The following ZNF500 variants were observed in gnomAD, a reference collection of about 807,000 sequenced individuals.
ZNF500 encodes zinc finger protein with KRAB and SCAN domains 18.
In ZNF500, 31 loss-of-function variants were observed where a neutral mutation model predicts 30.1. The ratio of observed to expected loss-of-function variants is 1.03; its 90% CI spans 0.77 to 1.39. The LOEUF (loss-of-function observed/expected upper bound fraction) is 1.39. Among genes scored for constraint, ZNF500 ranks in the 40% most tolerant of loss-of-function variants. The pLI is 0.00. For synonymous variants in ZNF500, 392 were observed against 282.0 expected, an observed-to-expected ratio of 1.39 and a Z score of -3.91; for missense variants, 817 against 657.8, an observed-to-expected ratio of 1.24 and a Z score of -2.65.
intron 4 of ZNF500, 109 bp from the exon 5 acceptor site, chr16:4,760,697 C>A: frequency 2.1e-6 from 2 of 948,872 alleles, no homozygotes; most frequent in Non-Finnish European, 1.6e-6. Flanking sequence ...AGGCTGGCGC[C>A]AAGCCTGGTG....
intron 5 of ZNF500, among the ~76,000 whole-genome samples, chr16:4,753,607 G>T (rs1314992912): frequency 6.6e-6 from 1 of 152,168 alleles, no homozygotes; most frequent in Non-Finnish European, 1.5e-5. Context: ...AGAATCACCG[G>T]GCTGCTAAGT....
intron 2 of ZNF500, chr16:4,763,975 A>G (rs779581203): frequency 2.0e-6 from 2 of 985,364 alleles, no homozygotes; most frequent in African/African-American, 3.5e-5. Flanking sequence ...GCCCTGAAAA[A>G]TGAACTGAAA....
At chr16:4,764,029 A>G (rs985792590) in intron 2 of ZNF500, 3 of 985,332 alleles carry the variant, frequency 3.0e-6, no homozygotes, top group East Asian at 1.1e-4. Context: ...GAGTTCCACA[A>G]CTGAAACTGA....
chr16:4,747,418 T>A, downstream of ZNF500: 1 of 1,613,034 alleles, frequency 6.2e-7, no homozygotes, highest in Non-Finnish European at 8.5e-7. Flanking sequence ...CCGAGCTGCC[T>A]GCCAGCAAGG....
chr16:4,764,177 G>T, intron 2 of ZNF500: 2 of 769,662 alleles, frequency 2.6e-6, no homozygotes, highest in Non-Finnish European at 3.2e-6. Flanking sequence ...CACTGGCCAT[G>T]TGTGACGACT....
At chr16:4,766,395 G>A (rs2082265680) in intron 1 of ZNF500, among the ~76,000 whole-genome samples, 4 of 152,192 alleles carry the variant, frequency 2.6e-5, no homozygotes, top group Admixed American at 2.6e-4. Flanking sequence ...AGGCAGAGGA[G>A]GGCAGATCAC....
chr16:4,756,124 C>G (rs113221570), intron 5 of ZNF500, among the ~76,000 whole-genome samples: 3,093 of 152,266 alleles, frequency 0.02, 115 homozygotes, highest in African/African-American at 0.071. Flanking sequence ...AGGGCCAGGC[C>G]TGATAGCTCA....
chr16:4,766,174 C>A lies in ZNF500; in HGVS notation c.-98-98G>T, dbSNP rs13334271. ...TGCCCTGGTTCCAAGGCCAGCTCAC[C>A]CCACCATGGAAAAGGAAAAGGAAGT... is the stretch of plus-strand genomic sequence containing the variant. On this transcript the variant is annotated intron_variant, in intron 1 of 5. Transcript: ENST00000219478. 8 of 509,308 alleles carry A rather than the reference C, an allele frequency of 1.6e-5. No homozygotes were observed. The East Asian group carries it at 2.6e-4, about 16-fold the overall frequency. The allele number at this position is 509,308 out of a possible 1,614,324, so 31.5% of individuals were successfully genotyped here.
intron 4 of ZNF500, 129 bp downstream of exon 4, chr16:4,762,142 C>A (rs2082208847): frequency 1.8e-6 from 2 of 1,093,462 alleles, no homozygotes; most frequent in Non-Finnish European, 2.7e-6. Context: ...GGAGAAAACT[C>A]CAGGGAAGAG....
At position 4,766,091 on chromosome 16, in the gene ZNF500, T is replaced by C; in HGVS notation, c.-98-15A>G. 2 of 1,317,090 alleles carry C rather than the reference T, an allele frequency of 1.5e-6. No homozygotes were observed. The highest frequency in any genetic ancestry group is 1.0e-6 in the Non-Finnish European group (1 of 993,360). 81.6% of individuals were successfully genotyped at this position (1,317,090 alleles called of 1,614,324 possible). ...TTTTCAGGGCCCTGTGGAGAGACGA[T>C]AAAACCATCTGAAGGGCAGCCCTGG... On this transcript the variant is annotated splice_polypyrimidine_tract_variant and intron_variant, in intron 1 of 5. Transcript: ENST00000219478.
At chr16:4,757,371 G>A (rs2082146255) in intron 5 of ZNF500, among the ~76,000 whole-genome samples, 1 of 152,052 alleles carries the variant, frequency 6.6e-6, no homozygotes, top group African/African-American at 2.4e-5. Flanking sequence ...GGAGTGCAGT[G>A]GTATGATCAC....
rs1265297942 is a variant in ZNF500 at position 4,758,125 on chromosome 16, T to C, written c.760+2367A>G. 6.6e-5 allele frequency among the ~76,000 whole-genome samples: 10 copies of C among 152,192 alleles called. No individual in the cohort carries two copies. In the South Asian group the frequency reaches 1.2e-3, roughly 19 times the overall value. On this transcript the variant is annotated intron_variant, in intron 5 of 5. Transcript: ENST00000219478. ...GTTGGCCAGGCTGGACTCGAACTCC[T>C]GACCTCAGGTGATAAACACTCGCCT...
In ZNF500 at chr16:4,752,595, G is replaced by A; in HGVS notation, c.1224C>T (p.Pro408=). The A allele has an allele frequency of 6.3e-7, 1 of 1,593,204 alleles. No homozygotes were observed. Among genetic ancestry groups the A allele is most frequent in the Non-Finnish European group, 8.5e-7 (1 of 1,170,466 alleles). The change falls in exon 6 of 6, where the codon CCC becomes CCT. Residue 408 remains proline, a synonymous_variant. Transcript: ENST00000219478. ...GCTTCCCGCACTGGGTGCAGGCATA[G>A]GGCCGCTCCCCGCTGTGTGTCCTGC... The part of the protein sequence containing the change: ...IHRRTHSGER[P]YACTQCGKRF...
In ZNF500 at chr16:4,766,073, G is replaced by A; in HGVS notation, c.-95C>T. On this transcript the variant is annotated 5_prime_UTR_variant, in exon 2 of 6. Coordinates refer to ENST00000219478, the MANE Select transcript of ZNF500 (RefSeq NM_021646.4). Reference sequence around the variant, plus strand: ...GACACAGGAAGAGAGTTTTTTTCAGGGCCCTGTGGAGAGACGATAAAACCA... The same window carrying A: ...GACACAGGAAGAGAGTTTTTTTCAGAGCCCTGTGGAGAGACGATAAAACCA... 2.1e-6 allele frequency: 3 copies of A among 1,427,946 alleles called. No homozygotes were observed. The highest frequency in any genetic ancestry group is 2.8e-6 in the Non-Finnish European group (3 of 1,077,776). 88.5% of individuals were successfully genotyped at this position (1,427,946 alleles called of 1,614,324 possible).
rs773741284 is a variant in ZNF500, at chr16:4,766,027, C to T, written c.-49G>A. 3 of 1,508,012 alleles carry T rather than the reference C, an allele frequency of 2.0e-6. No individual in the cohort carries two copies. Among genetic ancestry groups the T allele is most frequent in the South Asian group, 2.7e-5 (2 of 75,218 alleles). The allele number at this position is 1,508,012 out of a possible 1,614,324, so 93.4% of individuals were successfully genotyped here. A position where few individuals can be genotyped will look rare whatever the true frequency, so the allele number is the denominator to read the frequency against. On this transcript the variant is annotated 5_prime_UTR_variant, in exon 2 of 6. Transcript: ENST00000219478. ...TTTCAGGCCTTAGAGTTGAACCTGTCTCTCTCTATACCTCTGGCCAGACAC... is the reference window on the plus strand; with the variant it reads ...TTTCAGGCCTTAGAGTTGAACCTGTTTCTCTCTATACCTCTGGCCAGACAC...
Position 4,751,552 on chromosome 16 carries a change from T to C in ZNF500, c.*824A>G. 1 of 1,530,142 alleles carries C rather than the reference T, an allele frequency of 6.5e-7. No individual in the cohort carries two copies. Among genetic ancestry groups the C allele is most frequent in the African/African-American group, 1.4e-5 (1 of 72,762 alleles). 94.8% of individuals were successfully genotyped at this position (1,530,142 alleles called of 1,614,324 possible). ...GCTCCATTTGGAAACTCTGGCAGGATGAAGAAGCTGGAGACCACGTCCTGG... is the reference window on the plus strand; with the variant it reads ...GCTCCATTTGGAAACTCTGGCAGGACGAAGAAGCTGGAGACCACGTCCTGG... On this transcript the variant is annotated 3_prime_UTR_variant, in exon 6 of 6. Coordinates refer to ENST00000219478, the MANE Select transcript of ZNF500 (RefSeq NM_021646.4).
rs1178539076 is a variant in ZNF500, at chr16:4,752,691, T to C, written c.1128A>G (p.Thr376=). 4 of 1,614,006 alleles carry C rather than the reference T, an allele frequency of 2.5e-6. No individual in the cohort carries two copies. The highest frequency in any genetic ancestry group is 2.5e-6 in the Non-Finnish European group (3 of 1,180,030). The change falls in exon 6 of 6, where the codon ACA becomes ACG. Residue 376 remains threonine (T), a synonymous_variant. Coordinates refer to ENST00000219478, the MANE Select transcript of ZNF500 (RefSeq NM_021646.4). ...SNFSTHQRVH[T]GEKPYPCPEC... ...CGGGGCACGGGTAGGGCTTCTCGCC[T>C]GTGTGCACCCTCTGGTGCGTGCTGA...
At chr16:4,747,397 G>T, downstream of ZNF500, 1 of 1,612,188 alleles carries the variant, frequency 6.2e-7, no homozygotes, top group Non-Finnish European at 8.5e-7. Flanking sequence ...TTCAGAAGGG[G>T]ACAGCCCAGC....
Position 4,750,714 on chromosome 16 carries a change from G to C in ZNF500, c.*1662C>G, listed in dbSNP as rs944175611. The C allele has an allele frequency of 6.6e-6, 1 of 150,740 alleles. No individual in the cohort carries two copies. Among genetic ancestry groups the C allele is most frequent in the Non-Finnish European group, 1.5e-5 (1 of 67,956 alleles). The allele number at this position is 150,740 out of a possible 1,614,324, so 9.3% of individuals were successfully genotyped here. A position where few individuals can be genotyped will look rare whatever the true frequency, so the allele number is the denominator to read the frequency against. On this transcript the variant is annotated 3_prime_UTR_variant, in exon 6 of 6. Transcript: ENST00000219478. Reference sequence around the variant, plus strand: ...TCACCATGTTGGCCAGGATGGTCTCGATCTCCTGACCTTGTGATCCACCTG... The same window carrying C: ...TCACCATGTTGGCCAGGATGGTCTCCATCTCCTGACCTTGTGATCCACCTG...
Sources: allele counts gnomAD v4.1 joint callset (sites outside exome capture counted in the v4.1 genomes callset), GRCh38; gene constraint gnomAD v4.1.1; transcripts MANE v1.5; gene names NCBI Gene and HGNC (gene_info 2026-07-23, HGNC 2026-07-21).